Variants in KRT2 observed in about 807,000 individuals in gnomAD.
KRT2 encodes the protein keratin, type II cytoskeletal 2 epidermal.
KRT2 carries 37 observed loss-of-function variants against 48.5 expected under a neutral mutation model. That is an observed-to-expected ratio of 0.76 (90% CI 0.59 to 1.00). KRT2 has a LOEUF of 1.00. KRT2 is among the 50% of genes least tolerant of loss of function. The pLI is 0.00. For synonymous variants in KRT2, 324 were observed against 312.2 expected (o/e 1.04, Z -0.40); for missense variants, 880 against 815.2 (o/e 1.08, Z -0.97).
In KRT2 at chr12:52,645,522, C is replaced by G. The variant is rs1941151564; in HGVS notation, c.1504+13G>C. 4.3e-6 allele frequency: 7 copies of G among 1,614,040 alleles called. No homozygotes were observed. Among genetic ancestry groups the G allele is most frequent in the Admixed American group, 1.7e-5 (1 of 60,006 alleles). ...CAACACCCCATGGAACAGGACCACA[C>G]CCCATTACTTACACACAGTCACATT... On this transcript the variant is annotated intron_variant, in intron 8 of 8. Transcript: ENST00000309680.
rs1257345751 is a variant in KRT2 at position 52,651,666 on chromosome 12, G to A, written c.477C>T (p.Leu159=). Residue 159 remains leucine (L), a synonymous_variant, in exon 1 of 9, where the codon CTC becomes CTT. Transcript: ENST00000309680. The part of the protein sequence containing the change: ...GIHEVSVNQS[L]LQPLNVKVDP... ...CAACTTTCACGTTGAGAGGCTGCAG[G>A]AGGCTCTGGTTGACAGAGACTTCGT... The A allele has an allele frequency of 2.5e-6, 4 of 1,613,990 alleles. No individual in the cohort carries two copies. The highest frequency in any genetic ancestry group is 3.4e-6 in the Non-Finnish European group (4 of 1,179,976).
At chr12:52,650,895 G>A (rs993166048) in intron 1 of KRT2, among the ~76,000 whole-genome samples, 2 of 152,160 alleles carry the variant, frequency 1.3e-5, no homozygotes, top group South Asian at 2.1e-4. Context: ...GGGGAAAACC[G>A]AAAGCAGCCA....
chr12:52,646,815 T>A lies in KRT2; in HGVS notation c.1394A>T (p.Glu465Val), dbSNP rs753237809. The change falls in exon 7 of 9, where the codon GAG becomes GTG. Residue 465 changes from glutamate to valine, a missense_variant. By Grantham distance (121) the Glu-to-Val change is moderately radical. Coordinates refer to ENST00000309680, the MANE Select transcript of KRT2 (RefSeq NM_000423.3). ...DLARLLRDYQ[E>V]LMNVKLALDV... ...TAGGGCCAGCTTCACGTTCATCAGC[T>A]CCTGGTAGTCACGCAGCAGCCGCGC... 45 of 1,614,122 alleles carry A rather than the reference T, an allele frequency of 2.8e-5. No homozygotes were observed. In the East Asian group the frequency reaches 9.4e-4, roughly 34 times the overall value.
At chr12:52,646,651 C>T in intron 7 of KRT2, 89 bp downstream of exon 7, 2 of 1,466,852 alleles carry the variant, frequency 1.4e-6, no homozygotes, top group Non-Finnish European at 1.9e-6. Flanking sequence ...GCCCCATTCT[C>T]TGCTTTCCCT....
chr12:52,648,355 G>C lies in KRT2; in HGVS notation c.958-18C>G. On this transcript the variant is annotated intron_variant, in intron 4 of 8. Coordinates refer to ENST00000309680, the MANE Select transcript of KRT2 (RefSeq NM_000423.3). Reference sequence around the variant, plus strand: ...GATATCTCCTACAACACACAGGAAGGTCTGGTCATGACATCCTGCCATAGC... The same window carrying C: ...GATATCTCCTACAACACACAGGAAGCTCTGGTCATGACATCCTGCCATAGC... 6.2e-7 allele frequency: 1 copy of C among 1,612,062 alleles called. No homozygotes were observed. Among genetic ancestry groups the C allele is most frequent in the Non-Finnish European group, 8.5e-7 (1 of 1,178,142 alleles).
chr12:52,650,949 GAGGGC>G (rs1941240298), intron 1 of KRT2, among the ~76,000 whole-genome samples: 1 of 152,194 alleles, frequency 6.6e-6, no homozygotes, highest in East Asian at 1.9e-4. Flanking sequence ...GAGAGTCCCA[GAGGGC>G]AGGGCTCCTC....
chr12:52,649,131 A>G (rs1310496709), intron 3 of KRT2, 29 bp from the exon 4 acceptor site: 7 of 1,394,316 alleles, frequency 5.0e-6, no homozygotes, highest in Non-Finnish European at 7.1e-6. Flanking sequence ...CCTCTGGTGT[A>G]TGGTTCCCTG....
rs1941186422 is a variant in KRT2 at position 52,647,593 on chromosome 12, G to A, written c.1248+137C>T. On this transcript the variant is annotated intron_variant, in intron 6 of 8. Transcript: ENST00000309680. ...AAGCCATAAATTATGTTAAGCTGGG[G>A]AATTTGGGATCGATACATGCTAGAG... The A allele has an allele frequency of 5.1e-6, 5 of 982,996 alleles. No homozygotes were observed. In the South Asian group the frequency reaches 7.0e-5, roughly 14 times the overall value. 60.9% of individuals were successfully genotyped at this position (982,996 alleles called of 1,614,324 possible).
rs1395287521 is a variant in KRT2 at position 52,651,647 on chromosome 12, T to G, written c.496A>C (p.Lys166Gln). 1 of 1,613,954 alleles carries G rather than the reference T, an allele frequency of 6.2e-7. No homozygotes were observed. The highest frequency in any genetic ancestry group is 1.3e-5 in the African/African-American group (1 of 74,872). The change falls in exon 1 of 9, where the codon AAA (lysine) becomes CAA (glutamine). Residue 166 changes from lysine to glutamine, a missense_variant. Transcript: ENST00000309680. ...ACATTCTGGATCTCTGGGTCAACTT[T>G]CACGTTGAGAGGCTGCAGGAGGCTC... ...NQSLLQPLNV[K>Q]VDPEIQNVKA... is the part of the protein sequence containing the mutation.
At chr12:52,645,695 C>A in intron 7 of KRT2, 126 bp from the exon 8 acceptor site, 1 of 890,528 alleles carries the variant, frequency 1.1e-6, no homozygotes, top group Non-Finnish European at 1.9e-6. Flanking sequence ...GCTTACACAC[C>A]CCACTTTCTT....
At position 52,644,956 on chromosome 12, in the gene KRT2, G is replaced by A; in HGVS notation, c.*63C>T. The A allele has an allele frequency of 6.3e-7, 1 of 1,575,842 alleles. No homozygotes were observed. Among genetic ancestry groups the A allele is most frequent in the Non-Finnish European group, 8.7e-7 (1 of 1,145,944 alleles). Reference sequence around the variant, plus strand: ...CTGCCAGTTAGAGGTACAGAGACAGGCTTCTACATTCTGGAGTGGGAGAGT... The same window carrying A: ...CTGCCAGTTAGAGGTACAGAGACAGACTTCTACATTCTGGAGTGGGAGAGT... On this transcript the variant is annotated 3_prime_UTR_variant, in exon 9 of 9. Transcript: ENST00000309680.
Position 52,646,745 on chromosome 12 carries a change from C to T in KRT2, c.1464G>A (p.Glu488=). 6.2e-7 allele frequency: 1 copy of T among 1,614,132 alleles called. No homozygotes were observed. The highest frequency in any genetic ancestry group is 8.5e-7 in the Non-Finnish European group (1 of 1,179,996). ...ATYRKLLEGE[E]CRMSGDLSSN... ...TCCCTTCCCAGTGCCCTCACCTGCA[C>T]TCCTCGCCCTCCAGCAGTTTGCGGT... The change falls in exon 7 of 9, where the codon GAG becomes GAA. Residue 488 remains glutamate, a synonymous_variant. Coordinates refer to ENST00000309680, the MANE Select transcript of KRT2 (RefSeq NM_000423.3).
Position 52,650,020 on chromosome 12 carries a change from T to C in KRT2, c.801-46A>G, listed in dbSNP as rs78648053. On this transcript the variant is annotated intron_variant, in intron 2 of 8. Coordinates refer to ENST00000309680, the MANE Select transcript of KRT2 (RefSeq NM_000423.3). ...CAGCAGTTAGATTAGTTCCCCTTCA[T>C]TTTTTTTCTTTTCCTTTTATACTGG... The C allele has an allele frequency of 6.0e-5, 85 of 1,415,850 alleles. No homozygotes were observed. In the East Asian group the frequency reaches 1.8e-3, roughly 30 times the overall value. The allele number at this position is 1,415,850 out of a possible 1,614,324, so 87.7% of individuals were successfully genotyped here. A position where few individuals can be genotyped will look rare whatever the true frequency, so the allele number is the denominator to read the frequency against.
intron 2 of KRT2, 83 bp downstream of exon 2, chr12:52,650,256 G>T: frequency 1.7e-6 from 2 of 1,184,520 alleles, no homozygotes; most frequent in Admixed American, 1.7e-5. Flanking sequence ...AAATGCAACT[G>T]GGAGATGAAT....
Position 52,644,698 on chromosome 12 carries a change from T to C in KRT2, c.*321A>G. ...TAGAGATGAAATCCCTGGATGGGCC[T>C]GGGTCCTCAACAGAATACACATCTG... On this transcript the variant is annotated 3_prime_UTR_variant, in exon 9 of 9. Coordinates refer to ENST00000309680, the MANE Select transcript of KRT2 (RefSeq NM_000423.3). 2.5e-6 allele frequency: 1 copy of C among 405,428 alleles called. No individual in the cohort carries two copies. Among genetic ancestry groups the C allele is most frequent in the Non-Finnish European group, 4.6e-6 (1 of 219,738 alleles). The allele number at this position is 405,428 out of a possible 1,614,324, so 25.1% of individuals were successfully genotyped here. A position where few individuals can be genotyped will look rare whatever the true frequency, so the allele number is the denominator to read the frequency against.
rs1565640171 is a variant in KRT2 at position 52,650,212 on chromosome 12, C to T, written c.800+127G>A. 19 of 890,108 alleles carry T rather than the reference C, an allele frequency of 2.1e-5. No individual in the cohort carries two copies. In the South Asian group the frequency reaches 2.5e-4, roughly 12 times the overall value. The allele number at this position is 890,108 out of a possible 1,614,324, so 55.1% of individuals were successfully genotyped here. ...CACTGTCTTCCTCACAAATAATCAA[C>T]AAAGATACATATGCCTCTCCCCATT... is the stretch of plus-strand genomic sequence containing the variant. On this transcript the variant is annotated intron_variant, in intron 2 of 8. Coordinates refer to ENST00000309680, the MANE Select transcript of KRT2 (RefSeq NM_000423.3).
chr12:52,648,892 T>C, intron 4 of KRT2, 115 bp downstream of exon 4: 3 of 744,360 alleles, frequency 4.0e-6, no homozygotes, highest in Non-Finnish European at 7.4e-6. Context: ...TGATGGCAGA[T>C]TGAAGTCAGC....
In KRT2 at chr12:52,648,248, G is replaced by A. The variant is rs149497452; in HGVS notation, c.1047C>T (p.Ile349=). 122 of 1,613,956 alleles carry A rather than the reference G, an allele frequency of 7.6e-5. No individual in the cohort carries two copies. Among genetic ancestry groups the A allele is most frequent in the Non-Finnish European group, 9.5e-5 (112 of 1,179,976 alleles). Reference sequence around the variant, plus strand: ...CCTCATACTGGGCCTTGACCTCGGCGATGATGCTATCCAAGTCCAGGTTGC... The same window carrying A: ...CCTCATACTGGGCCTTGACCTCGGCAATGATGCTATCCAAGTCCAGGTTGC... ...NSRNLDLDSI[I]AEVKAQYEEI... The change falls in exon 5 of 9, where the codon ATC becomes ATT. Residue 349 remains isoleucine, a synonymous_variant. Coordinates refer to ENST00000309680, the MANE Select transcript of KRT2 (RefSeq NM_000423.3).
intron 6 of KRT2, 74 bp from the exon 7 acceptor site, chr12:52,647,034 A>C: frequency 7.2e-7 from 1 of 1,392,042 alleles, no homozygotes; most frequent in South Asian, 1.2e-5. Context: ...GAAGTGCAGG[A>C]AGCCAGAACC....
Sources: gnomAD v4.1 joint callset for allele counts (sites outside exome capture counted in the v4.1 genomes callset) on GRCh38, gnomAD v4.1.1 for gene constraint, MANE v1.5 for transcripts, NCBI Gene and HGNC (gene_info 2026-07-23, HGNC 2026-07-21) for gene names.